ST18: variants seen among roughly 807,000 people sequenced by gnomAD.
The protein encoded by ST18 is suppression of tumorigenicity 18 protein.
A neutral mutation model predicts 110.0 loss-of-function variants in ST18; 50 were observed. That is an observed-to-expected ratio of 0.45 (90% CI 0.36 to 0.58). The LOEUF is 0.58. ST18 is among the 20% of genes least tolerant of loss of function. ST18 has a pLI of 0.00. For synonymous variants in ST18, 461 were observed against 452.4 expected (o/e 1.02, Z -0.24); for missense variants, 1,306 against 1,280.1 (o/e 1.02, Z -0.31).
At chr8:52,210,076 C>G (rs2081616223) in intron 8 of ST18, 2 of 455,926 alleles carry the variant, frequency 4.4e-6, no homozygotes, top group Non-Finnish European at 8.8e-6. Flanking sequence ...CTCTGGTGTC[C>G]CTCACCAGGT....
chr8:52,228,508 C>T (rs886959694), intron 3 of ST18, among the ~76,000 whole-genome samples: 2 of 152,114 alleles, frequency 1.3e-5, no homozygotes, highest in Non-Finnish European at 2.9e-5. Context: ...GAAAATGGCA[C>T]TCACCATAAG....
At chr8:52,134,404 A>G (rs1337450147) in intron 19 of ST18, among the ~76,000 whole-genome samples, 1 of 152,210 alleles carries the variant, frequency 6.6e-6, no homozygotes, top group Non-Finnish European at 1.5e-5. Context: ...AAAATCCCCA[A>G]TACAAACAAA....
intron 2 of ST18, among the ~76,000 whole-genome samples, chr8:52,287,309 G>C (rs756148449): frequency 1.2e-4 from 18 of 152,138 alleles, no homozygotes; most frequent in Non-Finnish European, 2.4e-4. Flanking sequence ...CTAAGATTAT[G>C]ATAAAATTAT....
rs578182540 is a variant in ST18 at position 52,350,454 on chromosome 8, C to T, written c.-465+58874G>A. Among the ~76,000 whole-genome samples, 14 of 152,184 alleles carry T rather than the reference C, an allele frequency of 9.2e-5. No homozygotes were observed. In the East Asian group the frequency reaches 2.7e-3, roughly 29 times the overall value. Reference sequence around the variant, plus strand: ...ACAGCTAGGAAATTGTAGGTCATGGCCCCAAACATCAGAGGGTACTCAAGT... The same window carrying T: ...ACAGCTAGGAAATTGTAGGTCATGGTCCCAAACATCAGAGGGTACTCAAGT... On this transcript the variant is annotated intron_variant, in intron 2 of 25. Coordinates refer to ENST00000689386, the MANE Select transcript of ST18 (RefSeq NM_001352837.2).
At chr8:52,208,553 G>A (rs1170941801) in intron 8 of ST18, among the ~76,000 whole-genome samples, 3 of 152,246 alleles carry the variant, frequency 2.0e-5, no homozygotes, top group Non-Finnish European at 2.9e-5. Flanking sequence ...GGGGCTGGGC[G>A]CGGTGGCTCA....
Position 52,202,057 on chromosome 8 carries a change from A to C in ST18, c.86+10022T>G, listed in dbSNP as rs557783857. 7.2e-5 allele frequency among the ~76,000 whole-genome samples: 11 copies of C among 152,336 alleles called. No individual in the cohort carries two copies. In the East Asian group the frequency reaches 2.1e-3, roughly 29 times the overall value. On this transcript the variant is annotated intron_variant, in intron 8 of 25. Coordinates refer to ENST00000689386, the MANE Select transcript of ST18 (RefSeq NM_001352837.2). ...CTGCTGGCTAAACAGCCTTGGTTTT[A>C]AAGGGGCCAGAACTAGATTGTTATG...
In ST18 at chr8:52,132,042, A is replaced by G; in HGVS notation, c.2582T>C (p.Leu861Pro). ...PLNGASLSWK[L>P]NKQELPHCPL... ...ACAATGTGGTAGCTCTTGTTTGTTC[A>G]GTTTCCAGGAGAGGGAGGCTCCATT... The change falls in exon 22 of 26, where the codon CTG becomes CCG. Residue 861 changes from leucine (L) to proline (P), a missense_variant. Coordinates refer to ENST00000689386, the MANE Select transcript of ST18 (RefSeq NM_001352837.2). The G allele has an allele frequency of 6.2e-7, 1 of 1,614,212 alleles. No homozygotes were observed. Among genetic ancestry groups the G allele is most frequent in the South Asian group, 1.1e-5 (1 of 91,080 alleles).
rs574049581 is a variant in ST18, at chr8:52,158,956, G to C, written c.1748C>G (p.Thr583Ser). ...AAAAAILNLS[T>S]RCREATDILS... ...GATGTCTGTGGCTTCCCTGCAGCGG[G>C]TGGAAAGGTTCAGGATGGCAGCAGC... Residue 583 changes from threonine (T) to serine (S), a missense_variant, in exon 15 of 26, where the codon ACC becomes AGC. By Grantham distance (58) the Thr-to-Ser change is moderately conservative. Coordinates refer to ENST00000689386, the MANE Select transcript of ST18 (RefSeq NM_001352837.2). 4.7e-5 allele frequency: 76 copies of C among 1,614,064 alleles called. 1 individual carries two copies. The South Asian group carries it at 7.8e-4, about 17-fold the overall frequency.
intron 2 of ST18, among the ~76,000 whole-genome samples, chr8:52,324,989 T>A (rs889827268): frequency 6.6e-6 from 1 of 152,234 alleles, no homozygotes; most frequent in Non-Finnish European, 1.5e-5. Context: ...AATGTTTTAG[T>A]ACTAGTCTAT....
At chr8:52,159,635 C>T (rs1284203427) in intron 14 of ST18, among the ~76,000 whole-genome samples, 2 of 152,028 alleles carry the variant, frequency 1.3e-5, no homozygotes, top group African/African-American at 2.4e-5. Flanking sequence ...GTCCTTAAAC[C>T]AGTAGAAGTT....
intron 2 of ST18, among the ~76,000 whole-genome samples, chr8:52,275,733 C>G (rs2095220935): frequency 6.6e-6 from 1 of 152,068 alleles, no homozygotes; most frequent in African/African-American, 2.4e-5. Flanking sequence ...CCTGCGAGCC[C>G]TGTTCATGAG....
chr8:52,127,316 C>A (rs570198680), intron 22 of ST18, among the ~76,000 whole-genome samples: 11 of 152,182 alleles, frequency 7.2e-5, no homozygotes, highest in South Asian at 2.1e-4. Flanking sequence ...ATAGATTTTT[C>A]TACACAGAAA....
chr8:52,128,345 T>A (rs1176067787), intron 22 of ST18, among the ~76,000 whole-genome samples: 1 of 152,194 alleles, frequency 6.6e-6, no homozygotes, highest in Non-Finnish European at 1.5e-5. Context: ...TGAACATAAT[T>A]GCTTACAATA....
At chr8:52,295,638 G>C (rs934622056) in intron 2 of ST18, among the ~76,000 whole-genome samples, 1 of 151,252 alleles carries the variant, frequency 6.6e-6, no homozygotes, top group African/African-American at 2.4e-5. Context: ...TCTTTAGTAA[G>C]GTCAAACACT....
intron 6 of ST18, 160 bp from the exon 7 acceptor site, chr8:52,214,417 C>A: frequency 1.6e-6 from 1 of 628,610 alleles, no homozygotes; most frequent in Non-Finnish European, 2.7e-6. Flanking sequence ...ACTCCCCCCA[C>A]ATACCACCAG....
At chr8:52,331,849 C>A (rs1809581714) in intron 2 of ST18, among the ~76,000 whole-genome samples, 1 of 152,146 alleles carries the variant, frequency 6.6e-6, no homozygotes, top group Non-Finnish European at 1.5e-5. Flanking sequence ...GGAGCCAAAT[C>A]TTCCCATTTA....
intron 2 of ST18, among the ~76,000 whole-genome samples, chr8:52,400,767 C>A (rs906545242): frequency 6.6e-6 from 1 of 152,072 alleles, no homozygotes; most frequent in South Asian, 2.1e-4. Context: ...ATTTTTATAT[C>A]GCATATTTCT....
intron 8 of ST18, among the ~76,000 whole-genome samples, chr8:52,196,507 G>A (rs1396048660): frequency 6.6e-6 from 1 of 152,016 alleles, no homozygotes; most frequent in Non-Finnish European, 1.5e-5. Flanking sequence ...CCCCTTGTCC[G>A]TGCTTTCATT....
intron 2 of ST18, among the ~76,000 whole-genome samples, chr8:52,353,823 C>T (rs1004043802): frequency 6.6e-6 from 1 of 152,226 alleles, no homozygotes; most frequent in Non-Finnish European, 1.5e-5. Context: ...CTCCCTTCGC[C>T]TCTGCTGTAC....
Sources: gnomAD v4.1 joint callset for allele counts (sites outside exome capture counted in the v4.1 genomes callset) on GRCh38, gnomAD v4.1.1 for gene constraint, MANE v1.5 for transcripts, NCBI Gene and HGNC (gene_info 2026-07-23, HGNC 2026-07-21) for gene names.